The following SND1 variants were observed in gnomAD, a reference collection of about 807,000 sequenced individuals.
SND1 encodes staphylococcal nuclease domain-containing protein 1.
A neutral mutation model predicts 121.7 loss-of-function variants in SND1; 38 were observed. The observed-to-expected ratio is 0.31, with a 90% CI of 0.24 to 0.41. SND1 has a LOEUF of 0.41. Among genes scored for constraint, SND1 ranks in the 10% least tolerant of loss-of-function variants. The pLI is 1.00. For synonymous variants in SND1, 401 were observed against 447.4 expected, an observed-to-expected ratio of 0.90 and a Z score of 1.31; for missense variants, 868 against 1,184.6, an observed-to-expected ratio of 0.73 and a Z score of 3.92.
chr7:127,954,764 G>GA (rs1321449152), intron 15 of SND1, among the ~76,000 whole-genome samples: 1 of 152,178 alleles, frequency 6.6e-6, no homozygotes, highest in Non-Finnish European at 1.5e-5. Flanking sequence ...TTTAGGAGCA[G>GA]AGCTTTGTAT....
intron 15 of SND1, among the ~76,000 whole-genome samples, chr7:127,980,363 G>A (rs1226331345): frequency 5.9e-5 from 1 of 16,900 alleles, no homozygotes; most frequent in Non-Finnish European, 1.1e-4. Context: ...CTCGTGATCC[G>A]CCCGCCTCGG....
At chr7:127,897,745 C>G (rs1485028845) in intron 13 of SND1, among the ~76,000 whole-genome samples, 1 of 152,068 alleles carries the variant, frequency 6.6e-6, no homozygotes, top group East Asian at 1.9e-4. Flanking sequence ...ACATAAATAT[C>G]TAGCAACAGG....
intron 16 of SND1, chr7:128,028,876 C>G (rs748453907): frequency 6.2e-7 from 1 of 1,614,138 alleles, no homozygotes; most frequent in Non-Finnish European, 8.5e-7. Flanking sequence ...CCTGATACAC[C>G]GGACGGAGCT....
chr7:127,988,607 G>A (rs756876569), intron 15 of SND1, among the ~76,000 whole-genome samples: 1 of 152,224 alleles, frequency 6.6e-6, no homozygotes, highest in Non-Finnish European at 1.5e-5. Context: ...GGATTCAGGG[G>A]AGCAACTGCA....
chr7:128,090,319 T>A (rs1056752320), intron 22 of SND1, among the ~76,000 whole-genome samples: 2 of 152,244 alleles, frequency 1.3e-5, no homozygotes, highest in African/African-American at 4.8e-5. Context: ...CAGCTTGCAC[T>A]GAGCAGCCTT....
At chr7:127,931,031 CG>C in intron 15 of SND1, among the ~76,000 whole-genome samples, 1 of 151,998 alleles carries the variant, frequency 6.6e-6, no homozygotes, top group Non-Finnish European at 1.5e-5. Context: ...TCAATTGTTT[CG>C]GGTCGCCATG....
intron 10 of SND1, among the ~76,000 whole-genome samples, chr7:127,772,641 C>G (rs1404863402): frequency 6.6e-6 from 1 of 152,170 alleles, no homozygotes; most frequent in Non-Finnish European, 1.5e-5. Flanking sequence ...GGATATATTT[C>G]AGAGGGCCAT....
At chr7:127,844,092 T>C (rs558186138) in intron 11 of SND1, among the ~76,000 whole-genome samples, 12 of 152,224 alleles carry the variant, frequency 7.9e-5, no homozygotes, top group Non-Finnish European at 1.5e-4. Flanking sequence ...ATTGTTGAGT[T>C]TTAAGAGTTT....
chr7:127,865,364 T>C (rs1410957694), intron 12 of SND1, among the ~76,000 whole-genome samples: 1 of 152,352 alleles, frequency 6.6e-6, no homozygotes, highest in East Asian at 1.9e-4. Flanking sequence ...TATTGTATCA[T>C]ACAGTTTTTC....
At chr7:127,834,679 A>G (rs1004212113) in intron 11 of SND1, among the ~76,000 whole-genome samples, 2 of 152,232 alleles carry the variant, frequency 1.3e-5, no homozygotes, top group African/African-American at 4.8e-5. Context: ...TTACTTAGCC[A>G]CAAAACTGAC....
chr7:127,745,414 A>G (rs562286451), intron 10 of SND1, among the ~76,000 whole-genome samples: 1 of 152,336 alleles, frequency 6.6e-6, no homozygotes, highest in Admixed American at 6.5e-5. Context: ...TGACTACTCA[A>G]CTGTGTGACA....
chr7:127,759,618 G>T (rs1007690658), intron 10 of SND1, among the ~76,000 whole-genome samples: 3 of 152,128 alleles, frequency 2.0e-5, no homozygotes, highest in African/African-American at 7.2e-5. Flanking sequence ...CATTGCTACT[G>T]GAGTGTTGCT....
intron 10 of SND1, among the ~76,000 whole-genome samples, chr7:127,758,293 G>A (rs1797235505): frequency 6.6e-6 from 1 of 152,140 alleles, no homozygotes; most frequent in African/African-American, 2.4e-5. Flanking sequence ...TAGAATACCA[G>A]ACATGGTATT....
intron 11 of SND1, among the ~76,000 whole-genome samples, chr7:127,831,094 A>G (rs1481158114): frequency 6.6e-6 from 1 of 152,142 alleles, no homozygotes; most frequent in Non-Finnish European, 1.5e-5. Context: ...GTTTTTATTG[A>G]CTGTACTGTG....
At chr7:127,670,270 T>C (rs985834308) in intron 1 of SND1, among the ~76,000 whole-genome samples, 1 of 150,484 alleles carries the variant, frequency 6.6e-6, no homozygotes, top group Non-Finnish European at 1.5e-5. Context: ...ATTACAGGCG[T>C]GAGCCACCAC....
intron 10 of SND1, among the ~76,000 whole-genome samples, chr7:127,735,633 G>C (rs1356481410): frequency 1.3e-5 from 2 of 151,902 alleles, no homozygotes; most frequent in African/African-American, 2.4e-5. Context: ...TGTTGTTGTT[G>C]TTGTTTTTTT....
chr7:127,773,923 G>A (rs1797566047), intron 10 of SND1, among the ~76,000 whole-genome samples: 1 of 152,104 alleles, frequency 6.6e-6, no homozygotes, highest in African/African-American at 2.4e-5. Flanking sequence ...TAACATCATA[G>A]CACAATGAAT....
chr7:128,030,006 G>A, intron 16 of SND1: 1 of 1,613,126 alleles, frequency 6.2e-7, no homozygotes, highest in Non-Finnish European at 8.5e-7. Context: ...GGTGAGATTG[G>A]GCATGTCTTT....
chr7:127,687,543 C>T (rs551458906), intron 2 of SND1, among the ~76,000 whole-genome samples: 2 of 152,190 alleles, frequency 1.3e-5, no homozygotes, highest in South Asian at 4.2e-4. Context: ...TGTTTAGTTC[C>T]CACTTACAAA....
Sources: gnomAD v4.1 joint callset for allele counts (sites outside exome capture counted in the v4.1 genomes callset) on GRCh38, gnomAD v4.1.1 for gene constraint, MANE v1.5 for transcripts, NCBI Gene and HGNC (gene_info 2026-07-23, HGNC 2026-07-21) for gene names.